SERHL2: variants seen among roughly 807,000 people sequenced by gnomAD.
SERHL2 encodes the protein serine hydrolase like 2.
In SERHL2, 29 loss-of-function variants were observed where a neutral mutation model predicts 25.5. The observed-to-expected ratio is 1.14, with a 90% CI of 0.85 to 1.55. SERHL2 has a LOEUF of 1.55. Ranked by LOEUF, SERHL2 falls within the 40% of genes most tolerant of loss-of-function variation. The probability of loss-of-function intolerance (pLI) is 0.00; values close to 1 mark genes in which losing one functional copy is unlikely to be tolerated. For synonymous variants in SERHL2, 95 were observed against 103.5 expected, an observed-to-expected ratio of 0.92 and a Z score of 0.50; for missense variants, 240 against 252.3, an observed-to-expected ratio of 0.95 and a Z score of 0.33.
chr22:42,561,354 C>G (rs912732690), intron 8 of SERHL2, among the ~76,000 whole-genome samples: 1 of 151,790 alleles, frequency 6.6e-6, no homozygotes, highest in Non-Finnish European at 1.5e-5. Context: ...CTTTTAGACT[C>G]CCCTTGTTTG....
In SERHL2 at chr22:42,566,354, T is replaced by G. The variant is rs1432261166; in HGVS notation, c.648+16T>G. 1.2e-6 allele frequency: 2 copies of G among 1,610,546 alleles called. No homozygotes were observed. Among genetic ancestry groups the G allele is most frequent in the South Asian group, 1.1e-5 (1 of 91,042 alleles). On this transcript the variant is annotated intron_variant, in intron 9 of 11. Transcript: ENST00000327678. ...GCTCGCCTGGGTGAGTACCACTGCC[T>G]CCGGGTCCCCCGCCAAGGTTTGCCT...
In SERHL2 at chr22:42,572,503, G is replaced by C; in HGVS notation, c.799G>C (p.Asp267His). The C allele has an allele frequency of 1.9e-6, 3 of 1,611,898 alleles. No homozygotes were observed. The South Asian group carries it at 3.3e-5, about 18-fold the overall frequency. Residue 267 changes from aspartate (D) to histidine (H), a missense_variant, in exon 11 of 12, where the codon GAC becomes CAC. Asp to His is a moderately conservative substitution (Grantham distance 81). Transcript: ENST00000327678. ...GAAGGAGTCCCTGTCGTTCATGATAGACACGATGAAATCCACCCTCAAAGA... is the reference window on the plus strand; with the variant it reads ...GAAGGAGTCCCTGTCGTTCATGATACACACGATGAAATCCACCCTCAAAGA... ...SEKESLSFMI[D>H]TMKSTLKEQF...
chr22:42,564,771 C>A lies in SERHL2; in HGVS notation c.614-1533C>A, dbSNP rs144356026. ...CTGACGGGACCGTCTCCCTTCATGG[C>A]TCTTTTACAGAGTTTTTCTACTAGT... On this transcript the variant is annotated intron_variant, in intron 8 of 11. Coordinates refer to ENST00000327678, the MANE Select transcript of SERHL2 (RefSeq NM_014509.5). 7.6e-4 allele frequency among the ~76,000 whole-genome samples: 115 copies of A among 151,968 alleles called. 1 individual carries two copies. The highest frequency in any genetic ancestry group is 2.7e-3 in the African/African-American group (114 of 41,514).
intron 1 of SERHL2, among the ~76,000 whole-genome samples, chr22:42,554,723 A>G (rs1217826106): frequency 1.3e-5 from 2 of 148,934 alleles, no homozygotes; most frequent in Non-Finnish European, 2.9e-5. Flanking sequence ...GGCCTGTCAC[A>G]GCTTTTTCCG....
chr22:42,556,591 G>A lies in SERHL2; in HGVS notation c.423+3G>A, dbSNP rs1164793973. ...CGCTCTTTCTCCTGGAATCAGATGT[G>A]AGAAGCGGGCTTTCGTGCATGCTGT... On this transcript the variant is annotated splice_donor_region_variant and intron_variant, in intron 6 of 11. Coordinates refer to ENST00000327678, the MANE Select transcript of SERHL2 (RefSeq NM_014509.5). 1.3e-6 allele frequency: 2 copies of A among 1,597,682 alleles called. No individual in the cohort carries two copies. The highest frequency in any genetic ancestry group is 1.7e-6 in the Non-Finnish European group (2 of 1,168,600).
intron 9 of SERHL2, among the ~76,000 whole-genome samples, chr22:42,566,941 C>T (rs889674296): frequency 2.6e-5 from 4 of 152,108 alleles, no homozygotes; most frequent in Admixed American, 6.6e-5. Context: ...GGTTGTCTCA[C>T]GTGCAAAAAG....
Position 42,554,177 on chromosome 22 carries a change from C to A in SERHL2, c.22+135C>A, listed in dbSNP as rs921290922. 3.5e-6 allele frequency: 4 copies of A among 1,132,088 alleles called. No homozygotes were observed. The South Asian group carries it at 5.5e-5, about 15-fold the overall frequency. 70.1% of individuals were successfully genotyped at this position (1,132,088 alleles called of 1,614,324 possible). ...GTGTCGCAGCTCCTTCCTCGGCAGT[C>A]CCGGGGCATGAGAGCGCGACCGGCC... is the stretch of plus-strand genomic sequence containing the variant. On this transcript the variant is annotated intron_variant, in intron 1 of 11. Transcript: ENST00000327678.
chr22:42,566,509 T>G (rs918753150), intron 9 of SERHL2, among the ~76,000 whole-genome samples, 171 bp downstream of exon 9: 11 of 148,354 alleles, frequency 7.4e-5, no homozygotes, highest in African/African-American at 2.3e-4. Flanking sequence ...TGAGCCGAGA[T>G]AGCACCACTG....
chr22:42,571,362 C>A lies in SERHL2; in HGVS notation c.731+159C>A, dbSNP rs1413937379. The A allele has an allele frequency of 8.9e-6, 13 of 1,462,378 alleles. 1 individual carries two copies. Among genetic ancestry groups the A allele is most frequent in the Non-Finnish European group, 3.6e-6 (4 of 1,105,958 alleles). The allele number at this position is 1,462,378 out of a possible 1,614,324, so 90.6% of individuals were successfully genotyped here. ...TGGGAAGCCCCCCTGGCAGCAGGGT[C>A]ATGGAAGGAGGAAGGTCAGAGGAGG... On this transcript the variant is annotated intron_variant, in intron 10 of 11. Transcript: ENST00000327678.
chr22:42,564,056 G>A (rs1601841432), intron 8 of SERHL2, among the ~76,000 whole-genome samples: 3 of 151,676 alleles, frequency 2.0e-5, no homozygotes, highest in South Asian at 4.2e-4. Context: ...TGGGCAACAA[G>A]AGTGAAACTT....
chr22:42,559,960 T>C (rs1220469071), intron 7 of SERHL2, among the ~76,000 whole-genome samples: 2 of 151,764 alleles, frequency 1.3e-5, no homozygotes, highest in African/African-American at 2.4e-5. Flanking sequence ...TACAGGCACA[T>C]GCCACCATGT....
chr22:42,560,430 A>G (rs570539180), intron 8 of SERHL2, among the ~76,000 whole-genome samples, 165 bp downstream of exon 8: 7 of 152,090 alleles, frequency 4.6e-5, no homozygotes, highest in African/African-American at 1.4e-4. Context: ...AGGAGAAACC[A>G]AGGCTCAGCA....
At chr22:42,572,616 A>AC (rs991954143) in intron 11 of SERHL2, 87 bp downstream of exon 11, 3 of 1,536,274 alleles carry the variant, frequency 2.0e-6, no homozygotes, top group African/African-American at 2.7e-5. Context: ...CACTGGGAAG[A>AC]CCCTGGGTCT....
At chr22:42,560,287 G>A (rs746680221) in intron 8 of SERHL2, 22 bp downstream of exon 8, 26 of 1,557,204 alleles carry the variant, frequency 1.7e-5, no homozygotes, top group African/African-American at 2.7e-5. Flanking sequence ...TACTGTCCAA[G>A]GCCATTTTAT....
chr22:42,560,158 C>T (rs1044653513), intron 7 of SERHL2, 28 bp from the exon 8 acceptor site: 8 of 1,571,850 alleles, frequency 5.1e-6, no homozygotes, highest in African/African-American at 1.3e-5. Flanking sequence ...GGCCTCCAGG[C>T]ACCCAGCATC....
At chr22:42,563,205 T>G (rs1223669937) in intron 8 of SERHL2, among the ~76,000 whole-genome samples, 13 of 76,396 alleles carry the variant, frequency 1.7e-4, no homozygotes, top group Admixed American at 1.4e-3. Context: ...TTTTTTTTTT[T>G]GTTGTTGTTG....
chr22:42,566,820 C>T (rs183625892), intron 9 of SERHL2, among the ~76,000 whole-genome samples: 153 of 152,360 alleles, frequency 1.0e-3, no homozygotes, highest in South Asian at 8.3e-3. Flanking sequence ...AAAACAGCGT[C>T]CCATCTGGAG....
chr22:42,564,776 T>C (rs116509799), intron 8 of SERHL2, among the ~76,000 whole-genome samples: 2 of 151,882 alleles, frequency 1.3e-5, no homozygotes, highest in Non-Finnish European at 2.9e-5. Context: ...CATGGCTCTT[T>C]TACAGAGTTT....
chr22:42,559,603 G>A (rs1285809244), intron 7 of SERHL2, among the ~76,000 whole-genome samples: 3 of 151,666 alleles, frequency 2.0e-5, no homozygotes, highest in East Asian at 3.9e-4. Flanking sequence ...CAGAAGAGGC[G>A]TTAGACATTC....
Sources: allele counts gnomAD v4.1 joint callset (sites outside exome capture counted in the v4.1 genomes callset), GRCh38; gene constraint gnomAD v4.1.1; transcripts MANE v1.5; gene names NCBI Gene and HGNC (gene_info 2026-07-23, HGNC 2026-07-21).